The following ERC1 variants were observed in gnomAD, a reference collection of about 807,000 sequenced individuals.
ERC1 encodes RAB6 interacting protein 2.
Under a neutral mutation model 132.0 loss-of-function variants are expected in ERC1, and 56 were observed. The ratio of observed to expected loss-of-function variants is 0.42; its 90% confidence interval spans 0.34 to 0.53. The LOEUF (loss-of-function observed/expected upper bound fraction) is 0.53. Ranked by LOEUF, ERC1 falls within the 20% of genes least tolerant of loss-of-function variation. ERC1 has a pLI of 0.03. For synonymous variants in ERC1, 478 were observed against 476.1 expected (o/e 1.00, Z -0.05); for missense variants, 1,202 against 1,349.9 (o/e 0.89, Z 1.72).
chr12:1,215,938 A>G (rs1179411318), intron 12 of ERC1, among the ~76,000 whole-genome samples: 2 of 152,202 alleles, frequency 1.3e-5, no homozygotes, highest in Non-Finnish European at 2.9e-5. Flanking sequence ...CAACTTTTAT[A>G]ATTCAATTGT....
At chr12:1,440,358 C>T (rs1171479251) in intron 17 of ERC1, among the ~76,000 whole-genome samples, 7 of 149,810 alleles carry the variant, frequency 4.7e-5, no homozygotes, top group Non-Finnish European at 1.0e-4. Flanking sequence ...ACGCCCGCCA[C>T]CACGCCCGGC....
chr12:1,483,378 ACTTTACATAGTGTAG>A (rs1316733450), intron 18 of ERC1, among the ~76,000 whole-genome samples: 1 of 152,198 alleles, frequency 6.6e-6, no homozygotes, highest in African/African-American at 2.4e-5. Flanking sequence ...GTTTTTATAT[ACTTTACATAGTGTAG>A]CTTTACATAA....
intron 15 of ERC1, among the ~76,000 whole-genome samples, chr12:1,333,762 T>G (rs1255556535): frequency 6.6e-6 from 1 of 152,234 alleles, no homozygotes; most frequent in Non-Finnish European, 1.5e-5. Context: ...CCTTTTATTA[T>G]GTACACAATA....
intron 15 of ERC1, among the ~76,000 whole-genome samples, chr12:1,351,332 G>C (rs2084975806): frequency 1.3e-5 from 2 of 152,170 alleles, no homozygotes; most frequent in South Asian, 4.1e-4. Flanking sequence ...AAATACTAAG[G>C]AGTGCGATGG....
chr12:1,200,083 T>C (rs1956764209), intron 12 of ERC1, among the ~76,000 whole-genome samples: 1 of 152,118 alleles, frequency 6.6e-6, no homozygotes, highest in African/African-American at 2.4e-5. Flanking sequence ...TGCCTAAAGA[T>C]TATTGCCTTT....
chr12:1,116,402 C>G (rs920408594), intron 7 of ERC1, among the ~76,000 whole-genome samples: 1 of 152,134 alleles, frequency 6.6e-6, no homozygotes, highest in Non-Finnish European at 1.5e-5. Context: ...AGCTTGGTTA[C>G]ACTGTGTTTG....
chr12:1,408,725 C>T (rs916681773), intron 17 of ERC1, among the ~76,000 whole-genome samples: 1 of 152,210 alleles, frequency 6.6e-6, no homozygotes, highest in East Asian at 1.9e-4. Flanking sequence ...CTTAGTTCTT[C>T]ACTCCCTGTC....
At chr12:1,055,872 G>A (rs1049308360) in intron 2 of ERC1, among the ~76,000 whole-genome samples, 3 of 152,054 alleles carry the variant, frequency 2.0e-5, no homozygotes, top group Non-Finnish European at 4.4e-5. Flanking sequence ...GGCTGGGCGT[G>A]GGTGGCTCAT....
chr12:1,443,904 A>C (rs1369987925), intron 17 of ERC1: 4 of 152,296 alleles, frequency 2.6e-5, no homozygotes, highest in Non-Finnish European at 5.9e-5. Flanking sequence ...TAAGAATTTC[A>C]GAGTCCTTGG....
chr12:1,007,490 C>CTCTCTT (rs1212401155), intron 1 of ERC1, among the ~76,000 whole-genome samples: 2 of 134,122 alleles, frequency 1.5e-5, no homozygotes, highest in Non-Finnish European at 3.1e-5. Flanking sequence ...CTCTCTCTCT[C>CTCTCTT]TCTTTCTCTC....
chr12:1,284,298 G>A (rs561335809), intron 14 of ERC1, among the ~76,000 whole-genome samples: 170 of 145,724 alleles, frequency 1.2e-3, no homozygotes, highest in Middle Eastern at 3.5e-3. Flanking sequence ...GTGTGTGTGT[G>A]TGTGTGTGTG....
intron 2 of ERC1, among the ~76,000 whole-genome samples, chr12:1,076,764 T>C (rs971351477): frequency 1.3e-5 from 2 of 152,228 alleles, no homozygotes; most frequent in African/African-American, 2.4e-5. Flanking sequence ...GCGGCTAATA[T>C]ACAGTAGCCA....
Position 1,317,110 on chromosome 12 carries a change from G to A in ERC1, c.2780+27098G>A, listed in dbSNP as rs556831427. Among the ~76,000 whole-genome samples the A allele has an allele frequency of 8.0e-5, 12 of 150,596 alleles. No individual in the cohort carries two copies. The South Asian group carries it at 1.9e-3, about 24-fold the overall frequency. ...CAGGAGGCAGAGGTTGCAGTGAGCCGAGGTCATGCCATTGCACTCCACCCT... is the reference window on the plus strand; with the variant it reads ...CAGGAGGCAGAGGTTGCAGTGAGCCAAGGTCATGCCATTGCACTCCACCCT... On this transcript the variant is annotated intron_variant, in intron 15 of 18. Transcript: ENST00000360905.
chr12:1,111,034 T>C (rs778471327), intron 5 of ERC1, among the ~76,000 whole-genome samples: 7 of 152,100 alleles, frequency 4.6e-5, no homozygotes, highest in African/African-American at 1.4e-4. Flanking sequence ...ATGGGTGAAA[T>C]GAAGTTACGT....
At chr12:1,254,483 T>C (rs1164771217) in intron 13 of ERC1, among the ~76,000 whole-genome samples, 1 of 152,118 alleles carries the variant, frequency 6.6e-6, no homozygotes, top group Non-Finnish European at 1.5e-5. Context: ...TAATTCCCCT[T>C]TGTAATTTTT....
chr12:1,405,501 C>T (rs905076242), intron 16 of ERC1, among the ~76,000 whole-genome samples: 1 of 150,996 alleles, frequency 6.6e-6, no homozygotes, highest in African/African-American at 2.4e-5. Flanking sequence ...GTCAGGAGTT[C>T]GAGACCAGCA....
At chr12:1,276,980 T>A (rs1316133173) in intron 14 of ERC1, among the ~76,000 whole-genome samples, 4 of 152,264 alleles carry the variant, frequency 2.6e-5, no homozygotes, top group Non-Finnish European at 5.9e-5. Flanking sequence ...GGTGTCAGAA[T>A]TGTAGATTTA....
intron 1 of ERC1, among the ~76,000 whole-genome samples, chr12:1,022,161 ACTTC>A (rs1966485653): frequency 6.6e-6 from 1 of 152,056 alleles, no homozygotes; most frequent in African/African-American, 2.4e-5. Context: ...AAGCAATCCT[ACTTC>A]CTTGGTCTCC....
chr12:1,210,728 G>A (rs1355773755), intron 12 of ERC1, among the ~76,000 whole-genome samples: 1 of 152,172 alleles, frequency 6.6e-6, no homozygotes, highest in African/African-American at 2.4e-5. Flanking sequence ...GGGCATGGTG[G>A]CTCACGCCTG....
Sources: gnomAD v4.1 joint callset for allele counts (sites outside exome capture counted in the v4.1 genomes callset) on GRCh38, gnomAD v4.1.1 for gene constraint, MANE v1.5 for transcripts, NCBI Gene and HGNC (gene_info 2026-07-23, HGNC 2026-07-21) for gene names.